Variants in GALNT17 observed in about 807,000 individuals in gnomAD.
The protein encoded by GALNT17 is UDP-GalNAc:polypeptide N-acetylgalactosaminyltransferase-like 3.
A neutral mutation model predicts 63.7 loss-of-function variants in GALNT17; 29 were observed. The ratio of observed to expected loss-of-function variants is 0.46; its 90% CI spans 0.34 to 0.62. The LOEUF is 0.62. Among genes scored for constraint, GALNT17 ranks in the 20% least tolerant of loss-of-function variants. GALNT17 has a pLI of 0.01. For synonymous variants in GALNT17, 305 were observed against 318.3 expected, an observed-to-expected ratio of 0.96 and a Z score of 0.45; for missense variants, 603 against 799.6, an observed-to-expected ratio of 0.75 and a Z score of 2.97.
intron 1 of GALNT17, among the ~76,000 whole-genome samples, chr7:71,139,107 A>G (rs1157878351): frequency 2.0e-5 from 3 of 152,128 alleles, no homozygotes; most frequent in Non-Finnish European, 4.4e-5. Context: ...TATTTCTCTC[A>G]TTTTAGAGGT....
chr7:71,580,459 G>A (rs943104097), intron 6 of GALNT17, among the ~76,000 whole-genome samples: 3 of 151,950 alleles, frequency 2.0e-5, no homozygotes, highest in Non-Finnish European at 4.4e-5. Context: ...GACATAGATA[G>A]TCTCAAGTAC....
At chr7:71,393,523 C>G (rs1328169746) in intron 3 of GALNT17, among the ~76,000 whole-genome samples, 1 of 151,948 alleles carries the variant, frequency 6.6e-6, no homozygotes, top group African/African-American at 2.4e-5. Flanking sequence ...CTGCTTTTTC[C>G]CCCGAAGTGT....
chr7:71,443,702 C>T (rs1787110063), intron 5 of GALNT17, among the ~76,000 whole-genome samples: 1 of 151,692 alleles, frequency 6.6e-6, no homozygotes, highest in South Asian at 2.1e-4. Flanking sequence ...CTCTATTCTT[C>T]ATAAATTACC....
At chr7:71,328,814 C>T (rs1018040094) in intron 1 of GALNT17, among the ~76,000 whole-genome samples, 1 of 151,946 alleles carries the variant, frequency 6.6e-6, no homozygotes, top group Non-Finnish European at 1.5e-5. Flanking sequence ...ATAATGGAAG[C>T]AATAATGCCA....
chr7:71,685,929 T>G (rs1485938244), intron 9 of GALNT17, among the ~76,000 whole-genome samples: 1 of 110,404 alleles, frequency 9.1e-6, no homozygotes, highest in Non-Finnish European at 2.0e-5. Flanking sequence ...TTTTTTTTTT[T>G]CTTTTCAAGG....
intron 6 of GALNT17, among the ~76,000 whole-genome samples, chr7:71,662,614 A>G (rs1379859906): frequency 6.6e-6 from 1 of 152,168 alleles, no homozygotes; most frequent in East Asian, 1.9e-4. Flanking sequence ...TTTCATATAA[A>G]TGGAATCATA....
intron 1 of GALNT17, among the ~76,000 whole-genome samples, chr7:71,211,230 TG>T (rs1047622258): frequency 2.0e-5 from 3 of 152,268 alleles, no homozygotes; most frequent in African/African-American, 7.2e-5. Context: ...AGTTGAATCA[TG>T]GGGGCTGGTT....
intron 1 of GALNT17, among the ~76,000 whole-genome samples, chr7:71,177,674 A>G (rs1765787448): frequency 6.6e-6 from 1 of 152,230 alleles, no homozygotes; most frequent in Non-Finnish European, 1.5e-5. Flanking sequence ...ATGGAAAAAA[A>G]GCAAGGGACA....
intron 2 of GALNT17, among the ~76,000 whole-genome samples, chr7:71,382,757 C>A (rs1438419788): frequency 1.3e-4 from 19 of 151,948 alleles, no homozygotes; most frequent in Non-Finnish European, 2.4e-4. Context: ...ATTCGGGTTC[C>A]CTAGAGAAAG....
At chr7:71,449,087 G>T (rs1787210184) in intron 5 of GALNT17, among the ~76,000 whole-genome samples, 1 of 132,034 alleles carries the variant, frequency 7.6e-6, no homozygotes, top group Non-Finnish European at 1.6e-5. Context: ...GTTTTAATTA[G>T]AAATAACAGC....
At chr7:71,484,266 T>A (rs901079262) in intron 5 of GALNT17, among the ~76,000 whole-genome samples, 5 of 152,108 alleles carry the variant, frequency 3.3e-5, no homozygotes, top group Admixed American at 2.6e-4. Flanking sequence ...GGCGGGCGGA[T>A]CACTTGAGGT....
chr7:71,625,189 G>A (rs1790354030), intron 6 of GALNT17, among the ~76,000 whole-genome samples: 1 of 151,770 alleles, frequency 6.6e-6, no homozygotes, highest in South Asian at 2.1e-4. Context: ...CTGTTGCCCA[G>A]GCTGGAGTGC....
chr7:71,468,632 A>G (rs1253488023), intron 5 of GALNT17, among the ~76,000 whole-genome samples: 1 of 150,602 alleles, frequency 6.6e-6, no homozygotes, highest in Non-Finnish European at 1.5e-5. Context: ...AGCCAGGATG[A>G]TCTCAAACTC....
rs75216847 is a variant in GALNT17, at chr7:71,142,581, T to G, written c.238+9541T>G. Among the ~76,000 whole-genome samples, 49 of 152,356 alleles carry G rather than the reference T, an allele frequency of 3.2e-4. 3 individuals are homozygous for G. The East Asian group carries it at 9.5e-3, about 29-fold the overall frequency. ...AATGAGGTGCAGAGATCATGCTTAC[T>G]TAGGCATTGTGGAATAGTGGGAAGA... On this transcript the variant is annotated intron_variant, in intron 1 of 10. Transcript: ENST00000333538.
At chr7:71,361,302 T>C (rs896607758) in intron 2 of GALNT17, among the ~76,000 whole-genome samples, 1 of 152,214 alleles carries the variant, frequency 6.6e-6, no homozygotes, top group Non-Finnish European at 1.5e-5. Flanking sequence ...CAACAACATT[T>C]GAGTCTTGCA....
intron 5 of GALNT17, among the ~76,000 whole-genome samples, chr7:71,551,773 AGAG>A (rs1245114793): frequency 1.8e-4 from 8 of 45,190 alleles, no homozygotes; most frequent in African/African-American, 3.3e-4. Flanking sequence ...AAAAAAAAAA[AGAG>A]AGAGAGAGAG....
chr7:71,143,875 A>AT (rs1787964465), intron 1 of GALNT17, among the ~76,000 whole-genome samples: 2 of 149,432 alleles, frequency 1.3e-5, no homozygotes, highest in African/African-American at 5.1e-5. Flanking sequence ...CCCCATCTCT[A>AT]TTTAAAAAAA....
intron 2 of GALNT17, among the ~76,000 whole-genome samples, chr7:71,366,915 T>G (rs1792522536): frequency 6.6e-6 from 1 of 152,184 alleles, no homozygotes; most frequent in African/African-American, 2.4e-5. Context: ...ATTACAGAGG[T>G]TGATCATCTC....
intron 1 of GALNT17, among the ~76,000 whole-genome samples, chr7:71,304,280 T>TATA (rs2115897789): frequency 6.6e-6 from 1 of 152,332 alleles, no homozygotes; most frequent in Admixed American, 6.5e-5. Flanking sequence ...GTTTAATCTG[T>TATA]ATATATTCGA....
Sources: allele counts gnomAD v4.1 joint callset (sites outside exome capture counted in the v4.1 genomes callset), GRCh38; gene constraint gnomAD v4.1.1; transcripts MANE v1.5; gene names NCBI Gene and HGNC (gene_info 2026-07-23, HGNC 2026-07-21).